Variants in CLASP2 observed in about 807,000 individuals in gnomAD.
CLASP2 encodes the protein cytoplasmic linker associated protein 2.
CLASP2 carries 47 observed loss-of-function variants against 194.4 expected under a neutral mutation model. The ratio of observed to expected loss-of-function variants is 0.24; its 90% CI spans 0.19 to 0.31. The LOEUF (loss-of-function observed/expected upper bound fraction) is 0.31, where lower values mean the gene tolerates loss of function less well. Ranked by LOEUF, CLASP2 falls within the 10% of genes least tolerant of loss-of-function variation. CLASP2 has a pLI of 1.00. For missense variants in CLASP2, 1,445 were observed against 1,823.6 expected (o/e 0.79, Z 3.78); for synonymous variants, 619 against 633.5 (o/e 0.98, Z 0.34).
At chr3:33,690,873 C>T (rs1336164752) in intron 2 of CLASP2, among the ~76,000 whole-genome samples, 1 of 152,068 alleles carries the variant, frequency 6.6e-6, no homozygotes, top group Non-Finnish European at 1.5e-5. Flanking sequence ...AGCAGCAGTC[C>T]CCAGTCTTCT....
At chr3:33,525,547 G>C (rs1240785859) in intron 34 of CLASP2, among the ~76,000 whole-genome samples, 3 of 152,068 alleles carry the variant, frequency 2.0e-5, no homozygotes, top group Non-Finnish European at 4.4e-5. Context: ...AAAGCGGTGA[G>C]TGAATATGTG....
chr3:33,630,727 G>T (rs180732693), intron 9 of CLASP2, among the ~76,000 whole-genome samples: 191 of 152,276 alleles, frequency 1.3e-3, no homozygotes, highest in African/African-American at 4.3e-3. Context: ...GGGCCAGCTG[G>T]AAGAAAGCAA....
At chr3:33,709,113 G>A (rs1256505362) in intron 1 of CLASP2, among the ~76,000 whole-genome samples, 1 of 152,116 alleles carries the variant, frequency 6.6e-6, no homozygotes, top group East Asian at 1.9e-4. Flanking sequence ...GTCTGATGTA[G>A]TTCCACTGTT....
At chr3:33,619,023 A>G (rs1047703832) in intron 12 of CLASP2, among the ~76,000 whole-genome samples, 6 of 152,184 alleles carry the variant, frequency 3.9e-5, no homozygotes, top group African/African-American at 1.4e-4. Context: ...GTTAAGGCCT[A>G]TTGCTCCTAG....
At chr3:33,645,239 G>A in intron 7 of CLASP2, 1 of 764,940 alleles carries the variant, frequency 1.3e-6, no homozygotes, top group Non-Finnish European at 2.4e-6. Flanking sequence ...GTATCTTCTA[G>A]CACGCCCTGC....
chr3:33,560,028 G>A (rs919312268), intron 28 of CLASP2, among the ~76,000 whole-genome samples: 2 of 152,074 alleles, frequency 1.3e-5, no homozygotes, highest in Admixed American at 1.3e-4. Flanking sequence ...TCTGAATTCT[G>A]ACTCACCTCA....
At chr3:33,674,531 AAAGC>A (rs1388220382) in intron 6 of CLASP2, among the ~76,000 whole-genome samples, 1 of 151,952 alleles carries the variant, frequency 6.6e-6, no homozygotes, top group Non-Finnish European at 1.5e-5. Context: ...AAGAACTAGA[AAAGC>A]AAGAGCAAAC....
intron 37 of CLASP2, chr3:33,501,989 G>T (rs919497102): frequency 1.5e-5 from 6 of 404,722 alleles, no homozygotes; most frequent in Non-Finnish European, 2.7e-5. Context: ...TCTATATCAG[G>T]TTCTTACTTA....
At chr3:33,705,599 CAT>C (rs2092639115) in intron 1 of CLASP2, among the ~76,000 whole-genome samples, 1 of 152,056 alleles carries the variant, frequency 6.6e-6, no homozygotes, top group Non-Finnish European at 1.5e-5. Flanking sequence ...CTCAATTACA[CAT>C]ATATGAGCCA....
At chr3:33,577,145 A>G in intron 23 of CLASP2, 1 of 1,235,276 alleles carries the variant, frequency 8.1e-7, no homozygotes, top group Non-Finnish European at 1.1e-6. Context: ...TGGAAACTGA[A>G]AAGGATAAAA....
intron 23 of CLASP2, among the ~76,000 whole-genome samples, chr3:33,577,867 T>C (rs1281695429): frequency 1.3e-5 from 2 of 152,250 alleles, no homozygotes; most frequent in African/African-American, 4.8e-5. Flanking sequence ...AGGCATCATC[T>C]GTGAACAAAG....
At chr3:33,622,898 T>A (rs1161020852) in intron 10 of CLASP2, among the ~76,000 whole-genome samples, 3 of 149,936 alleles carry the variant, frequency 2.0e-5, no homozygotes, top group African/African-American at 7.6e-5. Flanking sequence ...AACTTGCACC[T>A]CCCAGGTTTG....
intron 7 of CLASP2, among the ~76,000 whole-genome samples, chr3:33,651,445 C>T (rs1451439306): frequency 6.6e-6 from 1 of 150,918 alleles, no homozygotes; most frequent in African/African-American, 2.4e-5. Flanking sequence ...GGTGCTGCCC[C>T]AAGCCCAGCA....
At chr3:33,511,715 A>ACTGCTTTTGATGCTACTTTGGC (rs1159585890) in intron 36 of CLASP2, among the ~76,000 whole-genome samples, 11 of 136,366 alleles carry the variant, frequency 8.1e-5, no homozygotes, top group African/African-American at 1.1e-4. Flanking sequence ...CGTAAAAATA[A>ACTGCTTTTGATGCTACTTTGGC]AACAAACAAC....
chr3:33,545,839 G>A (rs2059073823), intron 30 of CLASP2, among the ~76,000 whole-genome samples: 1 of 151,914 alleles, frequency 6.6e-6, no homozygotes, highest in Non-Finnish European at 1.5e-5. Context: ...GAACCTGGGA[G>A]GCAGAAGTTG....
chr3:33,687,053 AT>A lies in CLASP2; in HGVS notation c.546+6del. 1 of 1,537,684 alleles carries A rather than the reference AT, an allele frequency of 6.5e-7. No individual in the cohort carries two copies. Among genetic ancestry groups the A allele is most frequent in the South Asian group, 1.3e-5 (1 of 79,912 alleles). On this transcript the variant is annotated splice_donor_region_variant and intron_variant, in intron 5 of 38. Transcript: ENST00000682230. The stretch of plus-strand genomic sequence containing the variant: ...CAGTCAATGCTTGAATGTAAATAAA[AT>A]TTTACCTGACTGTTGGAGTCTCCAA...
rs2051246553 is a variant in CLASP2 at position 33,516,125 on chromosome 3, C to T, written c.4008G>A (p.Lys1336=). Residue 1336 remains lysine (K), a synonymous_variant, in exon 36 of 39, where the codon AAG becomes AAA. Coordinates refer to ENST00000682230, the MANE Select transcript of CLASP2 (RefSeq NM_001365631.1). ...GATGCCTTAGGATTTCTCTTAAAAC[C>T]TTTAATGCCAAAGCCCTGATTGTAG... ...KEPTIRALAL[K]VLREILRHQP... is the part of the protein sequence containing the mutation. The T allele has an allele frequency of 1.9e-6, 3 of 1,608,316 alleles. No homozygotes were observed. Among genetic ancestry groups the T allele is most frequent in the Non-Finnish European group, 2.5e-6 (3 of 1,177,164 alleles).
intron 11 of CLASP2, among the ~76,000 whole-genome samples, chr3:33,621,037 G>A (rs2077030952): frequency 8.2e-6 from 1 of 121,976 alleles, no homozygotes; most frequent in South Asian, 2.6e-4. Flanking sequence ...GTGTGTGTGT[G>A]TGTGAATCTC....
intron 5 of CLASP2, 41 bp downstream of exon 5, chr3:33,687,019 C>A: frequency 8.5e-7 from 1 of 1,173,656 alleles, no homozygotes; most frequent in Non-Finnish European, 1.2e-6. Flanking sequence ...GAAATGGTAG[C>A]CAAAAAATCA....
Sources: allele counts gnomAD v4.1 joint callset (sites outside exome capture counted in the v4.1 genomes callset), GRCh38; gene constraint gnomAD v4.1.1; transcripts MANE v1.5; gene names NCBI Gene and HGNC (gene_info 2026-07-23, HGNC 2026-07-21).